SETD2: variants seen among roughly 807,000 people sequenced by gnomAD.
SETD2 encodes histone-lysine N-methyltransferase SETD2.
Under a neutral mutation model 242.1 loss-of-function variants are expected in SETD2, and 31 were observed. The ratio of observed to expected loss-of-function variants is 0.13; its 90% CI spans 0.10 to 0.17. SETD2 has a LOEUF of 0.17. Ranked by LOEUF, SETD2 falls within the 10% of genes least tolerant of loss-of-function variation. SETD2 has a pLI of 1.00. For missense variants in SETD2, 2,481 were observed against 3,046.3 expected, an observed-to-expected ratio of 0.81 and a Z score of 4.37; for synonymous variants, 1,006 against 1,066.5, an observed-to-expected ratio of 0.94 and a Z score of 1.11.
chr3:47,144,004 C>G (rs1389516635), intron 1 of SETD2, among the ~76,000 whole-genome samples: 4 of 152,186 alleles, frequency 2.6e-5, no homozygotes, highest in African/African-American at 9.7e-5. Flanking sequence ...GCCACTGCGC[C>G]CGGCCACATT....
rs1229889888 is a variant in SETD2 at position 47,122,196 on chromosome 3, G to A, written c.2440C>T (p.Pro814Ser). ...TTTGAAGAAATCTTCATAACTGAAG[G>A]CTCAATATTTTCAGCTTCAGAGTTA... ...LCNSEAENIE[P>S]SVMKISSNSF... The change falls in exon 3 of 21, where the codon CCT becomes TCT. Residue 814 changes from proline to serine, a missense_variant. Transcript: ENST00000409792. 1 of 1,613,912 alleles carries A rather than the reference G, an allele frequency of 6.2e-7. No individual in the cohort carries two copies. Among genetic ancestry groups the A allele is most frequent in the South Asian group, 1.1e-5 (1 of 91,064 alleles).
intron 1 of SETD2, among the ~76,000 whole-genome samples, chr3:47,133,746 T>C (rs1004902929): frequency 1.3e-5 from 2 of 151,972 alleles, no homozygotes; most frequent in African/African-American, 2.4e-5. Context: ...AAAAAGAGTA[T>C]GTGGACCCTT....
intron 18 of SETD2, among the ~76,000 whole-genome samples, chr3:47,033,690 T>C (rs1166786196): frequency 7.6e-6 from 1 of 130,872 alleles, no homozygotes; most frequent in Non-Finnish European, 1.6e-5. Flanking sequence ...AGACAGAGTC[T>C]CGCTCTTGTT....
intron 12 of SETD2, among the ~76,000 whole-genome samples, chr3:47,068,490 TA>T (rs1559685348): frequency 7.8e-6 from 1 of 127,914 alleles, no homozygotes; most frequent in African/African-American, 3.7e-5. Flanking sequence ...TCAAATACAC[TA>T]TCTTTTTTTT....
chr3:47,055,800 C>T (rs945915948), intron 15 of SETD2, among the ~76,000 whole-genome samples: 1 of 151,604 alleles, frequency 6.6e-6, no homozygotes, highest in African/African-American at 2.4e-5. Context: ...ATCACGAGGT[C>T]AGGAGATTGA....
intron 9 of SETD2, among the ~76,000 whole-genome samples, chr3:47,090,291 TAGA>T (rs1202454341): frequency 2.0e-5 from 3 of 152,080 alleles, no homozygotes; most frequent in Non-Finnish European, 2.9e-5. Flanking sequence ...GGTGTTAGAT[TAGA>T]AGATCTCAAT....
chr3:47,125,760 T>C (rs2043306163), intron 2 of SETD2, among the ~76,000 whole-genome samples: 1 of 152,232 alleles, frequency 6.6e-6, no homozygotes, highest in Non-Finnish European at 1.5e-5. Flanking sequence ...AGGAAATGGT[T>C]AGCCTTGGAA....
chr3:47,108,198 C>T (rs971003224), intron 5 of SETD2, among the ~76,000 whole-genome samples: 7 of 151,930 alleles, frequency 4.6e-5, no homozygotes, highest in African/African-American at 1.5e-4. Flanking sequence ...ACATCATGGA[C>T]TGCCTTGTGA....
intron 9 of SETD2, among the ~76,000 whole-genome samples, chr3:47,096,807 A>G (rs1035595344): frequency 2.0e-5 from 3 of 152,108 alleles, no homozygotes; most frequent in Admixed American, 1.3e-4. Flanking sequence ...GAGAGAGAGA[A>G]AGAAAGAGCT....
At chr3:47,112,419 T>G (rs12330516) in intron 5 of SETD2, among the ~76,000 whole-genome samples, 6,439 of 152,084 alleles carry the variant, frequency 0.042, 470 homozygotes, top group African/African-American at 0.15. Flanking sequence ...GTAACTGGGA[T>G]TATTGGTGCC....
intron 14 of SETD2, among the ~76,000 whole-genome samples, chr3:47,059,841 T>C (rs1229286798): frequency 6.6e-6 from 1 of 151,934 alleles, no homozygotes; most frequent in African/African-American, 2.4e-5. Flanking sequence ...CTGGAGTGCA[T>C]GGTGTGTTCT....
intron 1 of SETD2, among the ~76,000 whole-genome samples, chr3:47,139,030 G>C (rs984108925): frequency 6.6e-6 from 1 of 152,164 alleles, no homozygotes; most frequent in East Asian, 1.9e-4. Context: ...GCTATGGCAC[G>C]ATCATAGCTC....
chr3:47,134,213 C>T (rs545046312), intron 1 of SETD2, among the ~76,000 whole-genome samples: 2 of 152,152 alleles, frequency 1.3e-5, no homozygotes, highest in South Asian at 2.1e-4. Context: ...ATCCTTGATC[C>T]GCTTCCCAGC....
chr3:47,020,217 C>A (rs181281240), intron 18 of SETD2, among the ~76,000 whole-genome samples: 1 of 152,186 alleles, frequency 6.6e-6, no homozygotes, highest in East Asian at 1.9e-4. Context: ...CTCTAGGATT[C>A]CAGGACAGAG....
intron 3 of SETD2, 92 bp from the exon 4 acceptor site, chr3:47,116,846 T>C: frequency 1.1e-6 from 1 of 952,056 alleles, no homozygotes; most frequent in Non-Finnish European, 1.5e-6. Flanking sequence ...TCTCATTAGA[T>C]TCTTTTGGGT....
intron 1 of SETD2, among the ~76,000 whole-genome samples, chr3:47,144,949 CA>C (rs1195074170): frequency 6.6e-6 from 1 of 152,060 alleles, no homozygotes; most frequent in Non-Finnish European, 1.5e-5. Flanking sequence ...GACTCTGTCT[CA>C]AAAACAATCA....
rs201543639 is a variant in SETD2 at position 47,039,884 on chromosome 3, C to CA, written c.7239-2108dup. Among the ~76,000 whole-genome samples, 664 of 74,954 alleles carry CA rather than the reference C, an allele frequency of 8.9e-3. 4 individuals carry two copies. Among genetic ancestry groups the CA allele is most frequent in the Middle Eastern group, 0.02 (2 of 102 alleles). The allele number at this position is 74,954 out of a possible 152,430, so 49.2% of individuals were successfully genotyped here. Reference sequence around the variant, plus strand: ...GGCAACAAAAGTGAAAACTCTGTCTCAAAAAAAAAAAAAAAAAGTTCTGGT... The same window carrying CA: ...GGCAACAAAAGTGAAAACTCTGTCTCAAAAAAAAAAAAAAAAAAGTTCTGGT... On this transcript the variant is annotated intron_variant, in intron 17 of 20. Coordinates refer to ENST00000409792, the MANE Select transcript of SETD2 (RefSeq NM_014159.7).
At chr3:47,162,243 G>C (rs543027800) in intron 1 of SETD2, among the ~76,000 whole-genome samples, 3 of 152,268 alleles carry the variant, frequency 2.0e-5, no homozygotes, top group South Asian at 2.1e-4. Context: ...ACTTTGTACA[G>C]AGCAAGTGCT....
intron 4 of SETD2, among the ~76,000 whole-genome samples, chr3:47,115,565 G>GA (rs1234368396): frequency 4.6e-5 from 7 of 151,540 alleles, no homozygotes; most frequent in Non-Finnish European, 1.5e-5. Flanking sequence ...GAGCTTTGGG[G>GA]AAAAAAAACC....
Sources: allele counts gnomAD v4.1 joint callset (sites outside exome capture counted in the v4.1 genomes callset), GRCh38; gene constraint gnomAD v4.1.1; transcripts MANE v1.5; gene names NCBI Gene and HGNC (gene_info 2026-07-23, HGNC 2026-07-21).